CFTR: variants seen among roughly 807,000 people sequenced by gnomAD.
The protein encoded by CFTR is cystic fibrosis transmembrane conductance regulator.
Under a neutral mutation model 171.6 loss-of-function variants are expected in CFTR, and 181 were observed. The ratio of observed to expected loss-of-function variants is 1.05; its 90% CI spans 0.93 to 1.19. CFTR has a LOEUF of 1.19. Among genes scored for constraint, CFTR ranks in the 50% most tolerant of loss-of-function variants. The pLI, the probability that CFTR is intolerant of heterozygous loss-of-function variation, is 0.00. For synonymous variants in CFTR, 583 were observed against 608.0 expected (o/e 0.96, Z 0.60); for missense variants, 1,968 against 1,734.7 (o/e 1.13, Z -2.39).
intron 1 of CFTR, among the ~76,000 whole-genome samples, chr7:117,503,987 G>T (rs1444697142): frequency 1.3e-5 from 2 of 152,066 alleles, no homozygotes; most frequent in Non-Finnish European, 2.9e-5. Flanking sequence ...TTAGCAGTTT[G>T]TTTTTTCCCT....
chr7:117,519,383 CA>C (rs1798650373), intron 3 of CFTR, among the ~76,000 whole-genome samples: 3 of 152,036 alleles, frequency 2.0e-5, no homozygotes, highest in Admixed American at 1.3e-4. Flanking sequence ...AAAAAATTGA[CA>C]CTCACTTTTA....
At chr7:117,541,928 G>A (rs1799058770) in intron 8 of CFTR, 88 bp from the exon 9 acceptor site, 3 of 586,952 alleles carry the variant, frequency 5.1e-6, no homozygotes, top group Non-Finnish European at 9.4e-6. Context: ...TATATAAGAT[G>A]TAGCACAATG....
chr7:117,583,839 A>C (rs890850883), intron 11 of CFTR, among the ~76,000 whole-genome samples: 4 of 151,962 alleles, frequency 2.6e-5, no homozygotes, highest in African/African-American at 9.7e-5. Context: ...AACATCTATT[A>C]TTTTTTGACT....
At chr7:117,518,716 A>C (rs1007826740) in intron 3 of CFTR, among the ~76,000 whole-genome samples, 1 of 151,684 alleles carries the variant, frequency 6.6e-6, no homozygotes, top group Non-Finnish European at 1.5e-5. Context: ...CAGACATGAG[A>C]CACTGCACCC....
chr7:117,624,242 G>T (rs1167643920), intron 21 of CFTR, among the ~76,000 whole-genome samples: 1 of 152,112 alleles, frequency 6.6e-6, no homozygotes, highest in Non-Finnish European at 1.5e-5. Flanking sequence ...ATGATATTAG[G>T]AATTAAGGAG....
intron 21 of CFTR, among the ~76,000 whole-genome samples, chr7:117,625,742 GA>G (rs1378143346): frequency 6.6e-6 from 1 of 152,078 alleles, no homozygotes; most frequent in Admixed American, 6.6e-5. Context: ...AATACAATAA[GA>G]TATTTTAAAT....
Position 117,614,714 on chromosome 7 carries a change from G to GT in CFTR, c.3468+2dup, listed in dbSNP as rs1554392800. Reference sequence around the variant, plus strand: ...CTCCAGCATAGATGTGGATAGCTTGGTAAGTCTTATCATCTTTTTAACTTT... The same window carrying GT: ...CTCCAGCATAGATGTGGATAGCTTGGTTAAGTCTTATCATCTTTTTAACTTT... On this transcript the variant is annotated splice_donor_variant, in intron 21 of 26. Coordinates refer to ENST00000003084, the MANE Select transcript of CFTR (RefSeq NM_000492.4). LOFTEE classifies it high-confidence loss of function. The GT allele has an allele frequency of 2.5e-6, 4 of 1,601,484 alleles. No homozygotes were observed. Among genetic ancestry groups the GT allele is most frequent in the Non-Finnish European group, 3.4e-6 (4 of 1,168,986 alleles).
At chr7:117,561,575 GT>G (rs1362128088) in intron 11 of CFTR, among the ~76,000 whole-genome samples, 1 of 152,032 alleles carries the variant, frequency 6.6e-6, no homozygotes, top group Non-Finnish European at 1.5e-5. Context: ...ATATAATAGG[GT>G]TTTTTGTGCC....
At chr7:117,516,499 G>T (rs965665471) in intron 3 of CFTR, among the ~76,000 whole-genome samples, 1 of 152,054 alleles carries the variant, frequency 6.6e-6, no homozygotes, top group African/African-American at 2.4e-5. Flanking sequence ...AATTTGCTAG[G>T]TCATGTTGAA....
intron 21 of CFTR, among the ~76,000 whole-genome samples, chr7:117,615,626 G>A (rs34020733): frequency 0.026 from 3,918 of 151,568 alleles, 70 homozygotes; most frequent in Non-Finnish European, 0.041. Context: ...CCACATTTTA[G>A]TTGTGTTATT....
chr7:117,612,015 ATATATATG>A (rs1254106985), intron 20 of CFTR, among the ~76,000 whole-genome samples: 1 of 44,686 alleles, frequency 2.2e-5, no homozygotes, highest in Non-Finnish European at 4.0e-5. Context: ...GGATATATAT[ATATATATG>A]TATATATATA....
At position 117,530,989 on chromosome 7, in the gene CFTR, T is replaced by A. The variant is rs397508592; in HGVS notation, c.364T>A (p.Tyr122Asn). 6.2e-7 allele frequency: 1 copy of A among 1,613,618 alleles called. No homozygotes were observed. Among genetic ancestry groups the A allele is most frequent in the Middle Eastern group, 1.7e-4 (1 of 6,052 alleles). ...CAAGGAGGAACGCTCTATCGCGATT[T>A]ATCTAGGCATAGGCTTATGCCTTCT... is the stretch of plus-strand genomic sequence containing the variant. ...DNKEERSIAI[Y>N]LGIGLCLLFI... The change falls in exon 4 of 27, where the codon TAT (tyrosine) becomes AAT (asparagine). Residue 122 changes from tyrosine to asparagine, a missense_variant. By Grantham distance (143) the Tyr-to-Asn change is moderately radical (BLOSUM62 -2). Transcript: ENST00000003084.
chr7:117,595,860 T>C (rs1792113536), intron 15 of CFTR, among the ~76,000 whole-genome samples: 1 of 152,216 alleles, frequency 6.6e-6, no homozygotes, highest in Non-Finnish European at 1.5e-5. Context: ...CATTCCAGCC[T>C]GGGTGCCAGA....
At chr7:117,530,734 T>C (rs1413451678) in intron 3 of CFTR, among the ~76,000 whole-genome samples, 165 bp from the exon 4 acceptor site, 3 of 152,166 alleles carry the variant, frequency 2.0e-5, no homozygotes, top group Non-Finnish European at 4.4e-5. Context: ...TATTTCAAAG[T>C]ACCAAGATAT....
At chr7:117,609,325 T>C (rs1466774031) in intron 18 of CFTR, among the ~76,000 whole-genome samples, 2 of 152,166 alleles carry the variant, frequency 1.3e-5, no homozygotes, top group African/African-American at 4.8e-5. Flanking sequence ...ATGGGGAATA[T>C]AAACCTGATA....
rs121909021 is a variant in CFTR, at chr7:117,540,276, C to T, written c.1046C>T (p.Ala349Val). The change falls in exon 8 of 27, where the codon GCG becomes GTG. Residue 349 changes from alanine (A) to valine (V), a missense_variant. Transcript: ENST00000003084. ...TISFCIVLRMAVTRQFPWAVQ... is the reference protein window; with the variant it reads ...TISFCIVLRMVVTRQFPWAVQ... The stretch of plus-strand genomic sequence containing the variant: ...TCATTCTGCATTGTTCTGCGCATGG[C>T]GGTCACTCGGCAATTTCCCTGGGCT... 471 of 1,613,674 alleles carry T rather than the reference C, an allele frequency of 2.9e-4. No homozygotes were observed. The highest frequency in any genetic ancestry group is 3.7e-4 in the Non-Finnish European group (435 of 1,179,754).
chr7:117,546,090 T>C (rs1799142284), intron 9 of CFTR, among the ~76,000 whole-genome samples: 1 of 151,660 alleles, frequency 6.6e-6, no homozygotes, highest in Non-Finnish European at 1.5e-5. Flanking sequence ...GCTGCCCGGG[T>C]TCAAGCGATT....
At chr7:117,557,685 GTTTC>G (rs1799382864) in intron 10 of CFTR, among the ~76,000 whole-genome samples, 1 of 151,388 alleles carries the variant, frequency 6.6e-6, no homozygotes, top group East Asian at 1.9e-4. Flanking sequence ...TCCTTTTTTT[GTTTC>G]TTTGTTTGTA....
chr7:117,626,018 G>A (rs1465407181), intron 21 of CFTR, among the ~76,000 whole-genome samples: 1 of 152,098 alleles, frequency 6.6e-6, no homozygotes, highest in Non-Finnish European at 1.5e-5. Flanking sequence ...TGGGCTTTGG[G>A]TCCTTTTCAC....
Sources: gnomAD v4.1 joint callset for allele counts (sites outside exome capture counted in the v4.1 genomes callset) on GRCh38, gnomAD v4.1.1 for gene constraint, MANE v1.5 for transcripts, NCBI Gene and HGNC (gene_info 2026-07-23, HGNC 2026-07-21) for gene names.